FOXN4: variants seen among roughly 807,000 people sequenced by gnomAD.
The protein encoded by FOXN4 is forkhead box protein N4.
Under a neutral mutation model 45.0 loss-of-function variants are expected in FOXN4, and 12 were observed. That is an observed-to-expected ratio of 0.27 (90% CI 0.17 to 0.43). The LOEUF (loss-of-function observed/expected upper bound fraction) is 0.43. Ranked by LOEUF, FOXN4 falls within the 20% of genes least tolerant of loss-of-function variation. The pLI is 1.00. For synonymous variants in FOXN4, 297 were observed against 295.0 expected (o/e 1.01, Z -0.07); for missense variants, 560 against 694.9 (o/e 0.81, Z 2.18).
chr12:109,278,480 A>C lies in FOXN4; in HGVS notation c.*1191T>G, dbSNP rs1280848745. 6.6e-6 allele frequency: 1 copy of C among 152,228 alleles called. No individual in the cohort carries two copies. The highest frequency in any genetic ancestry group is 2.4e-5 in the African/African-American group (1 of 41,452). 9.4% of individuals were successfully genotyped at this position (152,228 alleles called of 1,614,324 possible). Reference sequence around the variant, plus strand: ...CCACTTGGGGAGTCAGTAATTAGCAAGGAGAGAAAAAGAAGCATAAAAACA... The same window carrying C: ...CCACTTGGGGAGTCAGTAATTAGCACGGAGAGAAAAAGAAGCATAAAAACA... On this transcript the variant is annotated 3_prime_UTR_variant, in exon 10 of 10. Coordinates refer to ENST00000299162, the MANE Select transcript of FOXN4 (RefSeq NM_213596.3).
chr12:109,292,498 TTTC>T (rs2047778543), intron 2 of FOXN4, among the ~76,000 whole-genome samples: 1 of 152,182 alleles, frequency 6.6e-6, no homozygotes, highest in Non-Finnish European at 1.5e-5. Flanking sequence ...TGAGCCTCAG[TTTC>T]TTATCTGTAT....
chr12:109,287,803 T>A lies in FOXN4; in HGVS notation c.468+41A>T. On this transcript the variant is annotated intron_variant, in intron 5 of 9. Transcript: ENST00000299162. This position sits in a 1 kb window ranked among gnomAD's most constrained non-coding sequence, Gnocchi z 4.1. ...GGTCCCCGGCCAGCCCAAGGCAGGGTGTCTGCTGCTCAGTCCAGGGCTCCC... is the reference window on the plus strand; with the variant it reads ...GGTCCCCGGCCAGCCCAAGGCAGGGAGTCTGCTGCTCAGTCCAGGGCTCCC... The A allele has an allele frequency of 6.7e-7, 1 of 1,500,610 alleles. No individual in the cohort carries two copies. Among genetic ancestry groups the A allele is most frequent in the East Asian group, 2.5e-5 (1 of 40,344 alleles). 93.0% of individuals were successfully genotyped at this position (1,500,610 alleles called of 1,614,324 possible).
At chr12:109,289,819 G>A (rs1174339721) in intron 3 of FOXN4, among the ~76,000 whole-genome samples, 3 of 152,198 alleles carry the variant, frequency 2.0e-5, no homozygotes, top group Non-Finnish European at 4.4e-5. Flanking sequence ...CACAAAGGCT[G>A]TACAAAAACA....
chr12:109,289,666 CACACATTATCTCTT>C (rs1267103400), intron 3 of FOXN4, among the ~76,000 whole-genome samples: 2 of 152,226 alleles, frequency 1.3e-5, no homozygotes, highest in African/African-American at 4.8e-5. Context: ...CAGCACTTTC[CACACATTATCTCTT>C]GGAATCCTCT....
chr12:109,285,244 CGTGTGTGTGTGTGT>C (rs56261774), intron 8 of FOXN4, 46 bp downstream of exon 8: 8 of 1,353,234 alleles, frequency 5.9e-6, no homozygotes, highest in East Asian at 5.4e-5. Context: ...CTTCCTCTTC[CGTGTGTGTGTGTGT>C]GTGTGTGTGT....
At position 109,281,504 on chromosome 12, in the gene FOXN4, G is replaced by GGCGGGGTGGGGGA. The variant is rs753911296; in HGVS notation, c.1184_1196dup (p.Met400ProfsTer22). Reference sequence around the variant, plus strand: ...TGAAGTCTACAGGAGCCCTTCCCATGGCGGGGTGGGGGAGCGGGCTGGGGC... The same window carrying GGCGGGGTGGGGGA: ...TGAAGTCTACAGGAGCCCTTCCCATGGCGGGGTGGGGGAGCGGGGTGGGGGAGCGGGCTGGGGC... On this transcript the variant is annotated frameshift_variant, in exon 9 of 10. Transcript: ENST00000299162. LOFTEE classifies it high-confidence loss of function. 6.2e-7 allele frequency: 1 copy of GGCGGGGTGGGGGA among 1,614,000 alleles called. No homozygotes were observed. Among genetic ancestry groups the GGCGGGGTGGGGGA allele is most frequent in the South Asian group, 1.1e-5 (1 of 91,086 alleles).
At chr12:109,304,289 A>AAGAAAGAAAGAAAGAAAGAAAGAAAGAG (rs2047900134) in intron 2 of FOXN4, among the ~76,000 whole-genome samples, 1 of 51,240 alleles carries the variant, frequency 2.0e-5, no homozygotes, top group African/African-American at 9.0e-5. Context: ...GAAAGAAAGA[A>AAGAAAGAAAGAAAGAAAGAAAGAAAGAG]AGAAAGGAGA....
At chr12:109,302,039 G>A (rs1439655120) in intron 2 of FOXN4, among the ~76,000 whole-genome samples, 3 of 152,084 alleles carry the variant, frequency 2.0e-5, no homozygotes, top group Admixed American at 6.5e-5. Flanking sequence ...GTATCTACAC[G>A]TAGCACAGAC....
At chr12:109,281,957 C>T (rs1264354014) in intron 8 of FOXN4, among the ~76,000 whole-genome samples, 158 bp from the exon 9 acceptor site, 1 of 152,242 alleles carries the variant, frequency 6.6e-6, no homozygotes, top group African/African-American at 2.4e-5. Flanking sequence ...ATGACACAGG[C>T]ATCATCTCAT....
At chr12:109,298,606 G>A (rs747872244) in intron 2 of FOXN4, among the ~76,000 whole-genome samples, 11 of 151,990 alleles carry the variant, frequency 7.2e-5, no homozygotes, top group Non-Finnish European at 1.3e-4. Flanking sequence ...TAGGTGATCC[G>A]CCCACCTCGG....
rs536905403 is a variant in FOXN4, at chr12:109,286,670, T to G, written c.671A>C (p.Lys224Thr). 7.8e-5 allele frequency: 126 copies of G among 1,610,484 alleles called. 1 individual carries two copies. In the South Asian group the frequency reaches 1.3e-3, roughly 16 times the overall value. Residue 224 changes from lysine (K) to threonine (T), a missense_variant, in exon 7 of 10, where the codon AAG becomes ACG. Physicochemically the swap from Lys to Thr is moderately conservative, Grantham distance 78 (BLOSUM62 -1). Transcript: ENST00000299162. Reference protein sequence around the residue: ...LPVSEIYSFMKEHFPYFKTAP... With the variant: ...LPVSEIYSFMTEHFPYFKTAP... Reference sequence around the variant, plus strand: ...CACCTTGAAGTAGGGGAAGTGCTCCTTCATGAAGCTGTAGATCTCGCTCAC... The same window carrying G: ...CACCTTGAAGTAGGGGAAGTGCTCCGTCATGAAGCTGTAGATCTCGCTCAC...
In FOXN4 at chr12:109,279,940, A is replaced by G. The variant is rs2047636720; in HGVS notation, c.1295-10T>C. 1 of 1,613,800 alleles carries G rather than the reference A, an allele frequency of 6.2e-7. No homozygotes were observed. The highest frequency in any genetic ancestry group is 2.2e-5 in the East Asian group (1 of 44,870). ...TCCTCCCACAGGTTCCCTTTCAAAG[A>G]CAAAAGCATTAGGGTGAGCTGGCTT... On this transcript the variant is annotated splice_polypyrimidine_tract_variant and intron_variant, in intron 9 of 9. Coordinates refer to ENST00000299162, the MANE Select transcript of FOXN4 (RefSeq NM_213596.3).
intron 2 of FOXN4, among the ~76,000 whole-genome samples, chr12:109,303,129 A>G (rs1486133048): frequency 6.6e-6 from 1 of 152,180 alleles, no homozygotes. Flanking sequence ...GTGTGAGTGC[A>G]TGCACACATG....
chr12:109,281,790 T>C lies in FOXN4; in HGVS notation c.911A>G (p.Asp304Gly), dbSNP rs1229108968. 1 of 1,575,770 alleles carries C rather than the reference T, an allele frequency of 6.3e-7. No homozygotes were observed. The highest frequency in any genetic ancestry group is 1.2e-5 in the South Asian group (1 of 86,342). The change falls in exon 9 of 10, where the codon GAC becomes GGC. Residue 304 changes from aspartate (D) to glycine (G), a missense_variant. Transcript: ENST00000299162. ...TTCAGGCCGGTCGGAGATCAGCTTGTCCAACTCCTCTGCAGGCAAGTGGGA... is the reference window on the plus strand; with the variant it reads ...TTCAGGCCGGTCGGAGATCAGCTTGCCCAACTCCTCTGCAGGCAAGTGGGA... The part of the protein sequence containing the change: ...HRSMANPEEL[D>G]KLISDRPESC...
chr12:109,308,387 CCA>C (rs779864437), intron 1 of FOXN4, 63 bp from the exon 2 acceptor site: 10 of 1,104,916 alleles, frequency 9.1e-6, no homozygotes, highest in East Asian at 8.0e-5. Flanking sequence ...GGGCAGAAAC[CCA>C]CAGTTTTCCC....
chr12:109,279,570 T>C lies in FOXN4; in HGVS notation c.*101A>G, dbSNP rs1418728577. ...ACTTCGCCACAGGTCCAGGAGAGGC[T>C]TCGGGGACAATGAGGGACCTGCCTT... On this transcript the variant is annotated 3_prime_UTR_variant, in exon 10 of 10. Transcript: ENST00000299162. 6.0e-6 allele frequency: 9 copies of C among 1,500,478 alleles called. No homozygotes were observed. The highest frequency in any genetic ancestry group is 4.2e-5 in the African/African-American group (3 of 72,192). 92.9% of individuals were successfully genotyped at this position (1,500,478 alleles called of 1,614,324 possible). A position where few individuals can be genotyped will look rare whatever the true frequency, so the allele number is the denominator to read the frequency against.
At chr12:109,289,360 A>G (rs1052280902) in intron 3 of FOXN4, among the ~76,000 whole-genome samples, 5 of 152,232 alleles carry the variant, frequency 3.3e-5, no homozygotes, top group African/African-American at 1.2e-4. Flanking sequence ...GTTTTGACAG[A>G]TCAGTTGACC....
chr12:109,281,714 A>C lies in FOXN4; in HGVS notation c.987T>G (p.Thr329=), dbSNP rs1232960635. 6.2e-7 allele frequency: 1 copy of C among 1,611,212 alleles called. No homozygotes were observed. Among genetic ancestry groups the C allele is most frequent in the Admixed American group, 1.7e-5 (1 of 59,828 alleles). ...GCGCCACGGCCACTGTGGTGGCGTG[A>C]GTCAGCACGGGGGCCTCTGGTTCCC... ...KPGEPEAPVL[T]HATTVAVAHG... is the part of the protein sequence containing the mutation. Residue 329 remains threonine (T), a synonymous_variant, in exon 9 of 10, where the codon ACT becomes ACG. Coordinates refer to ENST00000299162, the MANE Select transcript of FOXN4 (RefSeq NM_213596.3).
Position 109,278,855 on chromosome 12 carries a change from G to A in FOXN4, c.*816C>T, listed in dbSNP as rs1259986461. 1 of 152,212 alleles carries A rather than the reference G, an allele frequency of 6.6e-6. No individual in the cohort carries two copies. Among genetic ancestry groups the A allele is most frequent in the East Asian group, 1.9e-4 (1 of 5,194 alleles). 9.4% of individuals were successfully genotyped at this position (152,212 alleles called of 1,614,324 possible). ...TGCTGGTTCTAAAAAGTAGCCCCAG[G>A]CTGCCAAGGGATTATGAGCCAGTTA... On this transcript the variant is annotated 3_prime_UTR_variant, in exon 10 of 10. Transcript: ENST00000299162.
Sources: allele counts gnomAD v4.1 joint callset (sites outside exome capture counted in the v4.1 genomes callset), GRCh38; gene constraint gnomAD v4.1.1; non-coding constraint Gnocchi (gnomAD v3.1); transcripts MANE v1.5; gene names NCBI Gene and HGNC (gene_info 2026-07-23, HGNC 2026-07-21).